Variants in KAT7 observed in about 807,000 individuals in gnomAD.
KAT7 encodes the protein lysine acetyltransferase 7, also known as histone acetyltransferase KAT7.
KAT7 carries 10 observed loss-of-function variants against 82.1 expected under a neutral mutation model. The observed-to-expected ratio is 0.12, with a 90% CI of 0.08 to 0.21. KAT7 has a LOEUF of 0.21. Ranked by LOEUF, KAT7 falls within the 10% of genes least tolerant of loss-of-function variation. The pLI, the probability that KAT7 is intolerant of heterozygous loss-of-function variation, is 1.00. For synonymous variants in KAT7, 250 were observed against 262.5 expected (o/e 0.95, Z 0.46); for missense variants, 378 against 760.9 (o/e 0.50, Z 5.92).
At position 49,828,438 on chromosome 17, in the gene KAT7, C is replaced by G. The variant is rs546881442; in HGVS notation, c.*936C>G. The G allele has an allele frequency of 5.3e-5, 8 of 152,274 alleles. No individual in the cohort carries two copies. The highest frequency in any genetic ancestry group is 1.9e-4 in the African/African-American group (8 of 41,418). 9.4% of individuals were successfully genotyped at this position (152,274 alleles called of 1,614,324 possible). A position where few individuals can be genotyped will look rare whatever the true frequency, so the allele number is the denominator to read the frequency against. ...TACAGTACATCTGTACTTCCATATA[C>G]CTTGCACTGATTTTGTCTGAGTGCC... On this transcript the variant is annotated 3_prime_UTR_variant, in exon 15 of 15. Transcript: ENST00000259021.
intron 13 of KAT7, chr17:49,826,363 T>G (rs1432692643): frequency 3.8e-6 from 2 of 522,940 alleles, no homozygotes; most frequent in South Asian, 5.7e-5. Context: ...TTAATTCTTA[T>G]AAAAGTCAAG....
At position 49,788,691 on chromosome 17, in the gene KAT7, C is replaced by G. The variant is rs534152461; in HGVS notation, c.-144C>G. The stretch of plus-strand genomic sequence containing the variant: ...GCCCGCGGCGCCTGCGCAGAACGCT[C>G]CAGACGCTGAGAGGCAGGAGGCACT... On this transcript the variant is annotated 5_prime_UTR_variant, in exon 1 of 15. Coordinates refer to ENST00000259021, the MANE Select transcript of KAT7 (RefSeq NM_007067.5). The G allele has an allele frequency of 2.3e-6, 2 of 886,606 alleles. No individual in the cohort carries two copies. The highest frequency in any genetic ancestry group is 1.8e-5 in the African/African-American group (1 of 56,662). The allele number at this position is 886,606 out of a possible 1,614,324, so 54.9% of individuals were successfully genotyped here.
intron 4 of KAT7, among the ~76,000 whole-genome samples, chr17:49,804,468 G>T (rs539218609): frequency 6.6e-6 from 1 of 151,776 alleles, no homozygotes; most frequent in Admixed American, 6.6e-5. Context: ...ACATTTTTAC[G>T]TCTTCAGAAG....
chr17:49,832,446 T>G lies in KAT7; in HGVS notation c.*4944T>G, dbSNP rs986465963. 2 of 152,214 alleles carry G rather than the reference T, an allele frequency of 1.3e-5. No homozygotes were observed. Among genetic ancestry groups the G allele is most frequent in the African/African-American group, 2.4e-5 (1 of 41,450 alleles). The allele number at this position is 152,214 out of a possible 1,614,324, so 9.4% of individuals were successfully genotyped here. On this transcript the variant is annotated 3_prime_UTR_variant, in exon 15 of 15. Coordinates refer to ENST00000259021, the MANE Select transcript of KAT7 (RefSeq NM_007067.5). ...CTTTTACCACTTTTTTCTTCTGTCC[T>G]TGAGACTCTAATTAAAGCACTGGAT...
chr17:49,801,080 T>A (rs1327653435), intron 4 of KAT7, among the ~76,000 whole-genome samples: 1 of 152,184 alleles, frequency 6.6e-6, no homozygotes. Flanking sequence ...TAGGTCAGAA[T>A]GGGGCCTGAT....
At position 49,828,524 on chromosome 17, in the gene KAT7, G is replaced by C. The variant is rs1439746243; in HGVS notation, c.*1022G>C. On this transcript the variant is annotated 3_prime_UTR_variant, in exon 15 of 15. Transcript: ENST00000259021. The stretch of plus-strand genomic sequence containing the variant: ...GTATCTCAGCCCATGACTCAGCAAG[G>C]CAGAATGGCCACCCCTGCCAAAGTT... 6.6e-6 allele frequency: 1 copy of C among 152,588 alleles called. No individual in the cohort carries two copies. The highest frequency in any genetic ancestry group is 2.4e-5 in the African/African-American group (1 of 41,414). The allele number at this position is 152,588 out of a possible 1,614,324, so 9.5% of individuals were successfully genotyped here. A position where few individuals can be genotyped will look rare whatever the true frequency, so the allele number is the denominator to read the frequency against.
chr17:49,797,017 C>T, intron 3 of KAT7, 91 bp downstream of exon 3: 2 of 988,634 alleles, frequency 2.0e-6, no homozygotes, highest in East Asian at 2.4e-5. Context: ...AGGTAGATGC[C>T]TAATACTTCA....
chr17:49,807,695 A>G (rs1181628083), intron 5 of KAT7, among the ~76,000 whole-genome samples: 2 of 152,164 alleles, frequency 1.3e-5, no homozygotes, highest in Non-Finnish European at 2.9e-5. Flanking sequence ...GGGAAACTGC[A>G]TGGAAGTTCA....
chr17:49,826,273 A>G (rs1008468330), intron 13 of KAT7, 127 bp downstream of exon 13: 23 of 893,414 alleles, frequency 2.6e-5, no homozygotes, highest in Non-Finnish European at 3.5e-5. Flanking sequence ...GACCCTCACT[A>G]AAGCTGCCTA....
chr17:49,796,946 C>T lies in KAT7; in HGVS notation c.340+20C>T, dbSNP rs2073964072. On this transcript the variant is annotated intron_variant, in intron 3 of 14. Coordinates refer to ENST00000259021, the MANE Select transcript of KAT7 (RefSeq NM_007067.5). ...ATAGAGGTGAGTGGGTATGGTATGA[C>T]TTAGACCTATTACAGAGCATCTGGG... The T allele has an allele frequency of 6.2e-7, 1 of 1,609,400 alleles. No homozygotes were observed. Among genetic ancestry groups the T allele is most frequent in the Non-Finnish European group, 8.5e-7 (1 of 1,176,080 alleles).
chr17:49,811,718 G>A (rs1274191215), intron 7 of KAT7, 144 bp downstream of exon 7: 2 of 406,638 alleles, frequency 4.9e-6, no homozygotes, highest in Non-Finnish European at 9.0e-6. Context: ...GGCACTTAGA[G>A]TTTATTTCAT....
rs1448298765 is a variant in KAT7, at chr17:49,821,441, C to G, written c.1245+15C>G. 6 of 1,606,490 alleles carry G rather than the reference C, an allele frequency of 3.7e-6. No individual in the cohort carries two copies. Among genetic ancestry groups the G allele is most frequent in the Non-Finnish European group, 5.1e-6 (6 of 1,174,128 alleles). ...AGAAAAACAAGGTAAAAAGTGGTGA[C>G]TTTAGAAAGGAGTTGAAATGTTGTA... On this transcript the variant is annotated intron_variant, in intron 10 of 14. Transcript: ENST00000259021.
At chr17:49,806,308 A>C (rs1217082795) in intron 5 of KAT7, among the ~76,000 whole-genome samples, 3 of 152,238 alleles carry the variant, frequency 2.0e-5, no homozygotes, top group African/African-American at 7.2e-5. Flanking sequence ...ATTTACAGGT[A>C]GACCGCAGGG....
intron 14 of KAT7, 134 bp from the exon 15 acceptor site, chr17:49,827,267 T>C (rs888498709): frequency 1.8e-5 from 11 of 622,706 alleles, no homozygotes; most frequent in Non-Finnish European, 2.3e-5. Context: ...AGTCAAAATA[T>C]AGTATTTTTT....
At chr17:49,808,263 G>T (rs2074116956) in intron 5 of KAT7, among the ~76,000 whole-genome samples, 1 of 151,050 alleles carries the variant, frequency 6.6e-6, no homozygotes, top group Non-Finnish European at 1.5e-5. Context: ...GGGATTACAG[G>T]TGTGCGCCAC....
intron 4 of KAT7, among the ~76,000 whole-genome samples, chr17:49,803,304 G>T (rs887809269): frequency 2.0e-5 from 3 of 149,582 alleles, no homozygotes; most frequent in Admixed American, 2.0e-4. Flanking sequence ...TAGAGATGGA[G>T]TCTCACCATG....
chr17:49,811,261 C>T (rs941100042), intron 6 of KAT7, among the ~76,000 whole-genome samples: 1 of 151,900 alleles, frequency 6.6e-6, no homozygotes, highest in African/African-American at 2.4e-5. Flanking sequence ...CGTGCACCAC[C>T]ATGCCTGGCT....
At chr17:49,809,251 C>CCAAGAAACGGACCTCAAA in intron 6 of KAT7, 43 bp downstream of exon 6, 3 of 1,454,996 alleles carry the variant, frequency 2.1e-6, no homozygotes, top group Non-Finnish European at 2.9e-6. Flanking sequence ...AGTTTGAGGT[C>CCAAGAAACGGACCTCAAA]CGTTTCTTGG....
At chr17:49,807,084 T>C (rs1264923097) in intron 5 of KAT7, among the ~76,000 whole-genome samples, 1 of 152,244 alleles carries the variant, frequency 6.6e-6, no homozygotes, top group Admixed American at 6.5e-5. Context: ...TTCAGTCATA[T>C]ATTTCTGTAG....
Sources: allele counts gnomAD v4.1 joint callset (sites outside exome capture counted in the v4.1 genomes callset), GRCh38; gene constraint gnomAD v4.1.1; transcripts MANE v1.5; gene names NCBI Gene and HGNC (gene_info 2026-07-23, HGNC 2026-07-21).